Variants in REV3L observed in about 807,000 individuals in gnomAD.
The protein encoded by REV3L is REV3 like, DNA directed polymerase zeta catalytic subunit, also known as DNA polymerase zeta catalytic subunit.
REV3L carries 69 observed loss-of-function variants against 299.4 expected under a neutral mutation model. The ratio of observed to expected loss-of-function variants is 0.23; its 90% CI spans 0.19 to 0.28. REV3L has a LOEUF of 0.28. REV3L is among the 10% of genes least tolerant of loss of function. The probability of loss-of-function intolerance (pLI) is 1.00; values close to 1 mark genes in which losing one functional copy is unlikely to be tolerated. For synonymous variants in REV3L, 1,238 were observed against 1,271.4 expected, an observed-to-expected ratio of 0.97 and a Z score of 0.56; for missense variants, 3,128 against 3,693.8, an observed-to-expected ratio of 0.85 and a Z score of 3.97.
At chr6:111,348,294 T>C (rs1404935397) in intron 20 of REV3L, among the ~76,000 whole-genome samples, 2 of 152,172 alleles carry the variant, frequency 1.3e-5, no homozygotes, top group South Asian at 2.1e-4. Flanking sequence ...ACTTCAAGGA[T>C]GCAAATATTA....
At chr6:111,422,524 G>A (rs1165127273) in intron 1 of REV3L, among the ~76,000 whole-genome samples, 2 of 144,646 alleles carry the variant, frequency 1.4e-5, no homozygotes, top group African/African-American at 5.0e-5. Flanking sequence ...CATGAGACCA[G>A]GTGATGAGTG....
At chr6:111,408,974 C>CG (rs1347303153) in intron 3 of REV3L, among the ~76,000 whole-genome samples, 8 of 152,108 alleles carry the variant, frequency 5.3e-5, no homozygotes, top group African/African-American at 1.9e-4. Flanking sequence ...TGTGAGCCAC[C>CG]GTGCCCCACC....
At chr6:111,423,299 A>C (rs144069080) in intron 1 of REV3L, among the ~76,000 whole-genome samples, 5 of 152,346 alleles carry the variant, frequency 3.3e-5, no homozygotes, top group East Asian at 3.9e-4. Context: ...ACTTGTGAGA[A>C]TCTAGGAAGG....
At chr6:111,342,377 G>GGAA (rs1776586984) in intron 21 of REV3L, among the ~76,000 whole-genome samples, 1 of 152,006 alleles carries the variant, frequency 6.6e-6, no homozygotes, top group African/African-American at 2.4e-5. Context: ...CAGAAGAATA[G>GGAA]GAAGATCCAG....
chr6:111,390,294 T>C, intron 5 of REV3L, 114 bp from the exon 6 acceptor site: 3 of 648,422 alleles, frequency 4.6e-6, no homozygotes, highest in East Asian at 5.6e-5. Flanking sequence ...ACCTGATATA[T>C]TAATTCACAA....
intron 9 of REV3L, among the ~76,000 whole-genome samples, chr6:111,385,109 A>G (rs1452043743): frequency 1.3e-5 from 2 of 151,086 alleles, no homozygotes; most frequent in African/African-American, 2.4e-5. Flanking sequence ...GAAGCTAGGA[A>G]GGGTAGTAGG....
intron 1 of REV3L, among the ~76,000 whole-genome samples, chr6:111,443,391 C>T (rs1026423269): frequency 3.9e-5 from 6 of 152,036 alleles, no homozygotes; most frequent in South Asian, 2.1e-4. Flanking sequence ...TGTGATCCAC[C>T]GCGCCCGGCC....
intron 31 of REV3L, among the ~76,000 whole-genome samples, chr6:111,300,381 G>T (rs1359347850): frequency 6.6e-6 from 1 of 152,060 alleles, no homozygotes; most frequent in African/African-American, 2.4e-5. Context: ...TTTCCCTAAG[G>T]ATTCATTTAA....
Position 111,373,056 on chromosome 6 carries a change from C to T in REV3L, c.5299G>A (p.Ala1767Thr). ...GATTTTTCACTTAGACAGTCTTCTG[C>T]CTGCTGAACACAGAAAGAATCCATT... is the stretch of plus-strand genomic sequence containing the variant. ...SIMDSFCVQQ[A>T]EDCLSEKSRL... Residue 1767 changes from alanine (A) to threonine (T), a missense_variant, in exon 13 of 32, where the codon GCA (alanine) becomes ACA (threonine). Around this residue, in one of 9 missense-constraint regions of REV3L, gnomAD observed 2,409 missense variants for 2,611.8 expected, o/e 0.92. Transcript: ENST00000368802. 3 of 1,614,092 alleles carry T rather than the reference C, an allele frequency of 1.9e-6. No homozygotes were observed. The highest frequency in any genetic ancestry group is 2.2e-5 in the South Asian group (2 of 91,080).
intron 1 of REV3L, among the ~76,000 whole-genome samples, chr6:111,463,538 C>A (rs1791049490): frequency 6.6e-6 from 1 of 152,048 alleles, no homozygotes; most frequent in African/African-American, 2.4e-5. Context: ...CTGAGATGCA[C>A]AAGGAGGGAA....
rs550538797 is a variant in REV3L, at chr6:111,323,304, G to A, written c.8242-626C>T. 4.6e-5 allele frequency among the ~76,000 whole-genome samples: 7 copies of A among 152,210 alleles called. No individual in the cohort carries two copies. The South Asian group carries it at 1.2e-3, about 27-fold the overall frequency. On this transcript the variant is annotated intron_variant, in intron 25 of 31. Transcript: ENST00000368802. ...TGCCCGACCTATTCAACTTTCTTAT[G>A]TGCCCTTACAACTCATCAGGCAGAA...
At chr6:111,440,818 G>T (rs1334486305) in intron 1 of REV3L, among the ~76,000 whole-genome samples, 1 of 152,164 alleles carries the variant, frequency 6.6e-6, no homozygotes, top group Non-Finnish European at 1.5e-5. Flanking sequence ...ATTTGTCTGA[G>T]AAAGTTTTTT....
intron 16 of REV3L, among the ~76,000 whole-genome samples, chr6:111,361,789 T>C (rs1269602511): frequency 6.6e-6 from 1 of 152,160 alleles, no homozygotes; most frequent in African/African-American, 2.4e-5. Flanking sequence ...ACAAGCATAA[T>C]TTCCTAGAGA....
At chr6:111,322,994 C>CTT (rs780823778) in intron 25 of REV3L, among the ~76,000 whole-genome samples, 8 of 117,746 alleles carry the variant, frequency 6.8e-5, no homozygotes, top group South Asian at 2.4e-4. Flanking sequence ...TATTCAAGAA[C>CTT]TTTTTTTTTT....
At chr6:111,468,565 A>G (rs1791790812) in intron 1 of REV3L, among the ~76,000 whole-genome samples, 1 of 152,224 alleles carries the variant, frequency 6.6e-6, no homozygotes, top group Non-Finnish European at 1.5e-5. Context: ...TGCAAATTAA[A>G]ACTACACTGA....
At chr6:111,422,577 C>CATAT (rs1198058626) in intron 1 of REV3L, among the ~76,000 whole-genome samples, 2 of 20,626 alleles carry the variant, frequency 9.7e-5, no homozygotes, top group African/African-American at 1.6e-4. Flanking sequence ...TATATATATA[C>CATAT]ACATATATAT....
chr6:111,478,017 A>G (rs1793144461), intron 1 of REV3L, among the ~76,000 whole-genome samples: 1 of 152,254 alleles, frequency 6.6e-6, no homozygotes, highest in African/African-American at 2.4e-5. Flanking sequence ...TACTGGGTCA[A>G]AAAAGAACAC....
At chr6:111,383,985 A>G (rs1234974798) in intron 9 of REV3L, among the ~76,000 whole-genome samples, 1 of 152,200 alleles carries the variant, frequency 6.6e-6, no homozygotes, top group Non-Finnish European at 1.5e-5. Context: ...GAAGGTGCCA[A>G]GAACATACCT....
rs543969667 is a variant in REV3L at position 111,307,791 on chromosome 6, G to A, written c.9043-221C>T. 1.8e-4 allele frequency: 94 copies of A among 530,902 alleles called. 1 individual carries two copies. The East Asian group carries it at 2.4e-3, about 13-fold the overall frequency. The allele number at this position is 530,902 out of a possible 1,614,324, so 32.9% of individuals were successfully genotyped here. On this transcript the variant is annotated intron_variant, in intron 30 of 31. Coordinates refer to ENST00000368802, the MANE Select transcript of REV3L (RefSeq NM_001372078.1). ...TGGAACTTACATCTTAATATTATCA[G>A]ATACATTTTTTTTTTATTATTATAA...
Sources: gnomAD v4.1 joint callset for allele counts (sites outside exome capture counted in the v4.1 genomes callset) on GRCh38, gnomAD v4.1.1 for gene constraint, gnomAD v4.1.1 regional missense constraint, MANE v1.5 for transcripts, NCBI Gene and HGNC (gene_info 2026-07-23, HGNC 2026-07-21) for gene names.